The following SLC44A5 variants were observed in gnomAD, a reference collection of about 807,000 sequenced individuals.
SLC44A5 encodes the protein solute carrier family 44 member 5.
SLC44A5 carries 57 observed loss-of-function variants against 101.8 expected under a neutral mutation model. The ratio of observed to expected loss-of-function variants is 0.56; its 90% confidence interval spans 0.45 to 0.70. The LOEUF is 0.70. SLC44A5 is among the 30% of genes least tolerant of loss of function. The probability of loss-of-function intolerance (pLI) is 0.00; values close to 1 mark genes in which losing one functional copy is unlikely to be tolerated. For synonymous variants in SLC44A5, 281 were observed against 290.9 expected (o/e 0.97, Z 0.35); for missense variants, 737 against 853.1 (o/e 0.86, Z 1.70).
At chr1:75,678,934 A>C in the SLC44A5 span, among the ~76,000 whole-genome samples, 1 of 152,230 alleles carries the variant, frequency 6.6e-6, no homozygotes, top group Admixed American at 6.5e-5. Flanking sequence ...GATGGAGCTG[A>C]AAACGAAGGC....
At chr1:75,387,307 C>G (rs1283073398) in intron 3 of SLC44A5, among the ~76,000 whole-genome samples, 3 of 148,936 alleles carry the variant, frequency 2.0e-5, no homozygotes, top group Admixed American at 6.7e-5. Context: ...TCGCAACCTA[C>G]TCATCTGACA....
At chr1:75,211,922 C>A (rs1646865789) in intron 22 of SLC44A5, among the ~76,000 whole-genome samples, 1 of 138,890 alleles carries the variant, frequency 7.2e-6, no homozygotes, top group African/African-American at 2.7e-5. Flanking sequence ...TTCTTCCTTT[C>A]TTCTTTCTTT....
chr1:75,268,022 T>A lies in SLC44A5; in HGVS notation c.260+6936A>T, dbSNP rs187418254. On this transcript the variant is annotated intron_variant, in intron 6 of 23. Coordinates refer to ENST00000370859, the MANE Select transcript of SLC44A5 (RefSeq NM_001130058.2). ...TCACTCTTGTTGGAACACCTTTCTA[T>A]GTCCTTCTCTGCACTTATAAATAAT... is the stretch of plus-strand genomic sequence containing the variant. Among the ~76,000 whole-genome samples the A allele has an allele frequency of 2.2e-3, 334 of 152,374 alleles. 1 individual carries two copies. The highest frequency in any genetic ancestry group is 3.9e-3 in the Non-Finnish European group (267 of 68,030).
chr1:75,699,916 T>G, the SLC44A5 span, among the ~76,000 whole-genome samples: 2 of 152,058 alleles, frequency 1.3e-5, no homozygotes, highest in African/African-American at 4.8e-5. Flanking sequence ...AGAAGGCCAT[T>G]ACATAATGGT....
chr1:75,211,430 T>A, intron 23 of SLC44A5, 38 bp downstream of exon 23: 1 of 1,512,302 alleles, frequency 6.6e-7, no homozygotes, highest in Non-Finnish European at 9.2e-7. Flanking sequence ...CTTTCAGTTA[T>A]CCACCGAAGG....
At chr1:75,647,249 A>G in the SLC44A5 span, among the ~76,000 whole-genome samples, 2 of 152,182 alleles carry the variant, frequency 1.3e-5, no homozygotes, top group African/African-American at 2.4e-5. Context: ...GCCACTTGCA[A>G]TGTGGTGTTG....
chr1:75,408,266 A>C (rs1423333817), intron 2 of SLC44A5, among the ~76,000 whole-genome samples: 1 of 152,208 alleles, frequency 6.6e-6, no homozygotes, highest in African/African-American at 2.4e-5. Flanking sequence ...TGTTGGTGGG[A>C]GTGTAAATTA....
the SLC44A5 span, among the ~76,000 whole-genome samples, chr1:75,706,812 GTTTCT>G: frequency 6.6e-6 from 1 of 151,868 alleles, no homozygotes; most frequent in Non-Finnish European, 1.5e-5. Context: ...ACATTTTCCT[GTTTCT>G]TTTGCTTCCA....
intron 1 of SLC44A5, among the ~76,000 whole-genome samples, chr1:75,594,931 A>T (rs997554262): frequency 3.9e-5 from 6 of 152,038 alleles, no homozygotes; most frequent in African/African-American, 1.4e-4. Flanking sequence ...CCCTGATTTC[A>T]GTAAAACATA....
chr1:75,372,438 A>T (rs76695313), intron 3 of SLC44A5, among the ~76,000 whole-genome samples: 2,265 of 152,300 alleles, frequency 0.015, 58 homozygotes, highest in African/African-American at 0.052. Context: ...GACACTGAGG[A>T]TATTCAACAT....
intron 2 of SLC44A5, among the ~76,000 whole-genome samples, chr1:75,449,144 T>C (rs983999762): frequency 6.6e-6 from 1 of 152,208 alleles, no homozygotes; most frequent in African/African-American, 2.4e-5. Context: ...CTGTAATACA[T>C]TGTCATAGCT....
At chr1:75,486,257 G>A (rs1378170040) in intron 2 of SLC44A5, among the ~76,000 whole-genome samples, 3 of 152,036 alleles carry the variant, frequency 2.0e-5, no homozygotes, top group East Asian at 1.9e-4. Context: ...ATATAGACAA[G>A]AAAATTATTT....
intron 3 of SLC44A5, among the ~76,000 whole-genome samples, chr1:75,372,580 C>A (rs975789332): frequency 6.6e-6 from 1 of 152,020 alleles, no homozygotes; most frequent in South Asian, 2.1e-4. Flanking sequence ...GAACAATGGT[C>A]AAAATGGGTT....
At chr1:75,533,377 T>C (rs115576061) in intron 2 of SLC44A5, among the ~76,000 whole-genome samples, 3,737 of 152,304 alleles carry the variant, frequency 0.025, 161 homozygotes, top group African/African-American at 0.086. Flanking sequence ...TAATTATCCA[T>C]GTTGTCCTTA....
At chr1:75,398,335 T>C in intron 2 of SLC44A5, 1 of 981,064 alleles carries the variant, frequency 1.0e-6, no homozygotes, top group Non-Finnish European at 1.2e-6. Flanking sequence ...CCCTCAGCTA[T>C]ATAAACTAGT....
intron 4 of SLC44A5, among the ~76,000 whole-genome samples, chr1:75,315,389 T>C (rs998442467): frequency 1.3e-5 from 2 of 152,180 alleles, no homozygotes; most frequent in Non-Finnish European, 2.9e-5. Flanking sequence ...TATTGGTTAA[T>C]TTTACTAGGC....
chr1:75,608,888 G>T (rs1675485168), intron 1 of SLC44A5, among the ~76,000 whole-genome samples: 1 of 151,506 alleles, frequency 6.6e-6, no homozygotes, highest in Non-Finnish European at 1.5e-5. Context: ...CCCTTACTAT[G>T]CTCATTTTTT....
chr1:75,642,231 G>A, the SLC44A5 span: 1 of 535,346 alleles, frequency 1.9e-6, no homozygotes. Flanking sequence ...ACAATCACTT[G>A]ATATTATGAT....
rs140591158 is a variant in SLC44A5 at position 75,228,874 on chromosome 1, T to G, written c.854-1017A>C. On this transcript the variant is annotated intron_variant, in intron 12 of 23. Transcript: ENST00000370859. ...TTTGTTATGTACATTTTAAATAAAT[T>G]AGTTAGCATGTAGGTAAAGCTAAAC... 3.3e-3 allele frequency among the ~76,000 whole-genome samples: 507 copies of G among 151,846 alleles called. 3 individuals carry two copies. Among genetic ancestry groups the G allele is most frequent in the African/African-American group, 0.012 (488 of 41,506 alleles).
Sources: allele counts gnomAD v4.1 joint callset (sites outside exome capture counted in the v4.1 genomes callset), GRCh38; gene constraint gnomAD v4.1.1; transcripts MANE v1.5; gene names NCBI Gene and HGNC (gene_info 2026-07-23, HGNC 2026-07-21).